Variants in USH2A observed in about 807,000 individuals in gnomAD.
USH2A encodes usherin.
USH2A carries 443 observed loss-of-function variants against 538.9 expected under a neutral mutation model. The observed-to-expected ratio is 0.82, with a 90% confidence interval of 0.76 to 0.89. The LOEUF (loss-of-function observed/expected upper bound fraction) is 0.89. Among genes scored for constraint, USH2A ranks in the 40% least tolerant of loss-of-function variants. The pLI is 0.00. For synonymous variants in USH2A, 2,413 were observed against 2,273.5 expected, an observed-to-expected ratio of 1.06 and a Z score of -1.75; for missense variants, 6,633 against 6,324.8, an observed-to-expected ratio of 1.05 and a Z score of -1.65.
At chr1:215,861,838 CT>C (rs11461966) in intron 44 of USH2A, among the ~76,000 whole-genome samples, 2,407 of 110,186 alleles carry the variant, frequency 0.022, 21 homozygotes, top group African/African-American at 0.072. Context: ...GTAGTTTTCG[CT>C]TTTTTTTTTT....
chr1:215,704,972 A>G (rs942345828), intron 61 of USH2A, among the ~76,000 whole-genome samples: 2 of 152,210 alleles, frequency 1.3e-5, no homozygotes, highest in Admixed American at 6.5e-5. Context: ...TTGGCACCAT[A>G]TGGGTGCTCT....
Position 216,200,139 on chromosome 1 carries a change from A to G in USH2A, c.3317-18T>C. ...TTGAATACCTGAAATGAAAAGAAAA[A>G]AAAAAAACAAAGTTACATTTCACAA... is the stretch of plus-strand genomic sequence containing the variant. On this transcript the variant is annotated intron_variant, in intron 16 of 71. Coordinates refer to ENST00000307340, the MANE Select transcript of USH2A (RefSeq NM_206933.4). 1 of 1,603,340 alleles carries G rather than the reference A, an allele frequency of 6.2e-7. No homozygotes were observed. Among genetic ancestry groups the G allele is most frequent in the South Asian group, 1.1e-5 (1 of 88,210 alleles).
chr1:215,668,137 G>A (rs1657691394), intron 64 of USH2A, among the ~76,000 whole-genome samples: 1 of 152,196 alleles, frequency 6.6e-6, no homozygotes, highest in South Asian at 2.1e-4. Context: ...GTTGCTGGGT[G>A]AGCAGATTTA....
Position 216,000,682 on chromosome 1 carries a change from A to C in USH2A, c.6326-120T>G, listed in dbSNP as rs938460118. On this transcript the variant is annotated intron_variant, in intron 32 of 71. Coordinates refer to ENST00000307340, the MANE Select transcript of USH2A (RefSeq NM_206933.4). ...TAAGATAAGGCTTAAAATATGAATAAATAGCCATAAAAATCAATAGCAATA... is the reference window on the plus strand; with the variant it reads ...TAAGATAAGGCTTAAAATATGAATACATAGCCATAAAAATCAATAGCAATA... The C allele has an allele frequency of 3.2e-6, 4 of 1,242,416 alleles. No individual in the cohort carries two copies. The African/African-American group carries it at 4.5e-5, about 14-fold the overall frequency. The allele number at this position is 1,242,416 out of a possible 1,614,324, so 77.0% of individuals were successfully genotyped here. A position where few individuals can be genotyped will look rare whatever the true frequency, so the allele number is the denominator to read the frequency against.
chr1:215,891,299 G>A (rs974786293), intron 40 of USH2A, among the ~76,000 whole-genome samples: 3 of 152,110 alleles, frequency 2.0e-5, no homozygotes, highest in Admixed American at 6.5e-5. Context: ...GAGTAGATTC[G>A]CTGCTCTTGT....
intron 13 of USH2A, among the ~76,000 whole-genome samples, chr1:216,246,046 G>A (rs989324101): frequency 7.9e-5 from 12 of 152,180 alleles, no homozygotes; most frequent in African/African-American, 2.9e-4. Flanking sequence ...TTGGGAAAGA[G>A]ATGGAAAGAT....
At chr1:216,167,496 A>G (rs2034193807) in intron 21 of USH2A, among the ~76,000 whole-genome samples, 1 of 152,114 alleles carries the variant, frequency 6.6e-6, no homozygotes, top group African/African-American at 2.4e-5. Flanking sequence ...TGGCAAGGAA[A>G]CATGCCTTAA....
intron 61 of USH2A, among the ~76,000 whole-genome samples, chr1:215,697,042 T>G (rs1022575502): frequency 6.6e-6 from 1 of 152,006 alleles, no homozygotes; most frequent in African/African-American, 2.4e-5. Flanking sequence ...AGCCTTGACC[T>G]CCTGGGCTCA....
intron 11 of USH2A, among the ~76,000 whole-genome samples, chr1:216,263,211 A>G (rs1296232919): frequency 1.3e-5 from 2 of 152,238 alleles, no homozygotes; most frequent in East Asian, 3.9e-4. Context: ...AGAAGAACTA[A>G]TACCATTTTT....
chr1:216,150,110 A>C, intron 21 of USH2A, among the ~76,000 whole-genome samples: 1 of 152,096 alleles, frequency 6.6e-6, no homozygotes, highest in African/African-American at 2.4e-5. Flanking sequence ...GCCGAGCCCC[A>C]AAAAACTAGT....
At chr1:215,841,426 CA>C (rs1663672744) in intron 46 of USH2A, among the ~76,000 whole-genome samples, 1 of 152,094 alleles carries the variant, frequency 6.6e-6, no homozygotes, top group Non-Finnish European at 1.5e-5. Context: ...ACAAACCTGA[CA>C]AAAACAAGCA....
At chr1:216,092,377 C>A (rs541725794) in intron 22 of USH2A, among the ~76,000 whole-genome samples, 15 of 152,142 alleles carry the variant, frequency 9.9e-5, no homozygotes, top group African/African-American at 3.6e-4. Flanking sequence ...ATCTCGTCCG[C>A]ATTTAAAGAT....
intron 47 of USH2A, among the ~76,000 whole-genome samples, chr1:215,822,586 T>C (rs1663041042): frequency 6.6e-6 from 1 of 151,962 alleles, no homozygotes; most frequent in South Asian, 2.1e-4. Flanking sequence ...ATTTGACTTA[T>C]CCCTTTCCGA....
chr1:215,849,245 G>T (rs1663951810), intron 44 of USH2A, among the ~76,000 whole-genome samples: 1 of 152,098 alleles, frequency 6.6e-6, no homozygotes, highest in Non-Finnish European at 1.5e-5. Context: ...TAAAATATTT[G>T]CATGGTGTAC....
At chr1:216,063,259 G>C (rs2031243333) in intron 30 of USH2A, among the ~76,000 whole-genome samples, 1 of 152,154 alleles carries the variant, frequency 6.6e-6, no homozygotes, top group Non-Finnish European at 1.5e-5. Context: ...ACCAAATCCA[G>C]CTTTCTGGCT....
At chr1:216,291,934 A>AC (rs2037009051) in intron 10 of USH2A, among the ~76,000 whole-genome samples, 1 of 152,186 alleles carries the variant, frequency 6.6e-6, no homozygotes, top group African/African-American at 2.4e-5. Context: ...AAACAAAACA[A>AC]AACAACAACA....
Position 216,422,039 on chromosome 1 carries a change from G to A in USH2A, c.298C>T (p.Leu100Phe), listed in dbSNP as rs1425614240. The change falls in exon 2 of 72, where the codon CTT becomes TTT. Residue 100 changes from leucine to phenylalanine, a missense_variant. By Grantham distance (22) the Leu-to-Phe change is conservative. Transcript: ENST00000307340. ...YRSSHPTYTALFSAGLSSCIT... is the reference protein window; with the variant it reads ...YRSSHPTYTAFFSAGLSSCIT... ...CAGCTACTGAGGCCTGCTGAGAAAAGGGCAGTGTAGGTAGGGTGTGAAGAT... is the reference window on the plus strand; with the variant it reads ...CAGCTACTGAGGCCTGCTGAGAAAAAGGCAGTGTAGGTAGGGTGTGAAGAT... 8 of 1,613,758 alleles carry A rather than the reference G, an allele frequency of 5.0e-6. 1 individual carries two copies. The highest frequency in any genetic ancestry group is 6.8e-6 in the Non-Finnish European group (8 of 1,179,924).
chr1:215,911,293 G>C (rs1250929892), intron 38 of USH2A, among the ~76,000 whole-genome samples: 2 of 151,712 alleles, frequency 1.3e-5, no homozygotes, highest in African/African-American at 2.4e-5. Flanking sequence ...CAAATAGTAG[G>C]TCTTATGCAT....
chr1:215,806,928 A>G (rs865981044), intron 49 of USH2A, among the ~76,000 whole-genome samples: 16 of 152,018 alleles, frequency 1.1e-4, no homozygotes, highest in African/African-American at 3.4e-4. Flanking sequence ...TTATTCCCCA[A>G]GAGTTTACGA....
Sources: gnomAD v4.1 joint callset for allele counts (sites outside exome capture counted in the v4.1 genomes callset) on GRCh38, gnomAD v4.1.1 for gene constraint, MANE v1.5 for transcripts, NCBI Gene and HGNC (gene_info 2026-07-23, HGNC 2026-07-21) for gene names.